CDIN1: variants seen among roughly 807,000 people sequenced by gnomAD.
CDIN1 encodes the protein CDAN1-interacting nuclease 1.
Under a neutral mutation model 45.3 loss-of-function variants are expected in CDIN1, and 33 were observed. The ratio of observed to expected loss-of-function variants is 0.73; its 90% CI spans 0.55 to 0.97. The LOEUF (loss-of-function observed/expected upper bound fraction) is 0.97, where lower values mean the gene tolerates loss of function less well. Ranked by LOEUF, CDIN1 falls within the 50% of genes least tolerant of loss-of-function variation. The pLI is 0.00. For missense variants in CDIN1, 303 were observed against 339.4 expected (o/e 0.89, Z 0.84); for synonymous variants, 118 against 124.4 (o/e 0.95, Z 0.34).
chr15:36,590,792 T>C (rs1375767282), intron 1 of CDIN1, among the ~76,000 whole-genome samples: 2 of 152,202 alleles, frequency 1.3e-5, no homozygotes, highest in African/African-American at 4.8e-5. Flanking sequence ...GGTTTATCAC[T>C]TAAGACTATT....
intron 1 of CDIN1, among the ~76,000 whole-genome samples, chr15:36,609,672 C>T (rs28613569): frequency 0.12 from 17,757 of 152,240 alleles, 1,058 homozygotes; most frequent in Middle Eastern, 0.14. Context: ...ATCACCTTTC[C>T]TGGGCCAGAA....
At chr15:36,800,879 ATGTGTGTGTGTG>A (rs1163549097) in intron 10 of CDIN1, among the ~76,000 whole-genome samples, 3 of 82,528 alleles carry the variant, frequency 3.6e-5, no homozygotes, top group African/African-American at 1.2e-4. Context: ...GTGTGTATAT[ATGTGTGTGTGTG>A]TGTGTGTGTG....
At chr15:36,608,260 A>G (rs2038473839) in intron 1 of CDIN1, among the ~76,000 whole-genome samples, 1 of 152,336 alleles carries the variant, frequency 6.6e-6, no homozygotes, top group African/African-American at 2.4e-5. Context: ...CTAGTTTTCA[A>G]AGTGGCTGCA....
Position 36,809,790 on chromosome 15 carries a change from CTTTG to C in CDIN1, c.*1341_*1344del, listed in dbSNP as rs1408794213. The stretch of plus-strand genomic sequence containing the variant: ...CAAAAGACTAAATATGTCATTTATA[CTTTG>C]TTTATTTTCTACCAAAGAAGGTTTG... On this transcript the variant is annotated 3_prime_UTR_variant, in exon 11 of 11. Transcript: ENST00000566621. 2.0e-5 allele frequency: 3 copies of C among 152,050 alleles called. No individual in the cohort carries two copies. Among genetic ancestry groups the C allele is most frequent in the African/African-American group, 2.4e-5 (1 of 41,402 alleles). 9.4% of individuals were successfully genotyped at this position (152,050 alleles called of 1,614,324 possible).
At chr15:36,720,319 G>A (rs1372853900) in intron 10 of CDIN1, among the ~76,000 whole-genome samples, 1 of 150,468 alleles carries the variant, frequency 6.6e-6, no homozygotes, top group African/African-American at 2.4e-5. Context: ...GGGTACATGT[G>A]CACAACGTGC....
At chr15:36,647,512 C>T (rs552959531) in intron 3 of CDIN1, 1 of 152,236 alleles carries the variant, frequency 6.6e-6, no homozygotes, top group South Asian at 2.1e-4. Flanking sequence ...GCAGTCTGAC[C>T]ACTTTCTGAC....
chr15:36,652,421 T>C (rs1383885824), intron 3 of CDIN1, among the ~76,000 whole-genome samples: 1 of 152,132 alleles, frequency 6.6e-6, no homozygotes, highest in Non-Finnish European at 1.5e-5. Context: ...CCATAGTAAA[T>C]ACGCACTCTT....
intron 10 of CDIN1, among the ~76,000 whole-genome samples, chr15:36,760,167 A>G (rs982351046): frequency 6.6e-6 from 1 of 152,196 alleles, no homozygotes; most frequent in Non-Finnish European, 1.5e-5. Context: ...TTTTTTAACC[A>G]GTCACCTGTA....
intron 1 of CDIN1, among the ~76,000 whole-genome samples, chr15:36,625,415 A>G (rs1387458879): frequency 6.6e-6 from 1 of 152,194 alleles, no homozygotes; most frequent in Non-Finnish European, 1.5e-5. Context: ...TTCACTTATG[A>G]TTGCATAGAG....
chr15:36,661,213 G>A (rs138673966), intron 5 of CDIN1, among the ~76,000 whole-genome samples: 277 of 152,258 alleles, frequency 1.8e-3, no homozygotes, highest in African/African-American at 6.3e-3. Flanking sequence ...ATAATTGTTG[G>A]GGAAATGCTT....
intron 5 of CDIN1, among the ~76,000 whole-genome samples, chr15:36,660,209 T>C: frequency 6.6e-6 from 1 of 152,154 alleles, no homozygotes; most frequent in South Asian, 2.1e-4. Flanking sequence ...TGTTCAGTGC[T>C]ATTGGCAGAG....
At chr15:36,800,779 T>C (rs1006041140) in intron 10 of CDIN1, among the ~76,000 whole-genome samples, 2 of 150,234 alleles carry the variant, frequency 1.3e-5, no homozygotes, top group South Asian at 4.2e-4. Flanking sequence ...TCTGCACACA[T>C]CCTCAGAAGA....
intron 5 of CDIN1, among the ~76,000 whole-genome samples, chr15:36,688,126 G>A (rs1199487510): frequency 6.6e-6 from 1 of 151,782 alleles, no homozygotes; most frequent in Non-Finnish European, 1.5e-5. Flanking sequence ...TGGGAACGAG[G>A]AAATAATGAT....
chr15:36,637,902 G>A (rs1342917491), intron 1 of CDIN1, among the ~76,000 whole-genome samples: 1 of 152,100 alleles, frequency 6.6e-6, no homozygotes, highest in African/African-American at 2.4e-5. Flanking sequence ...ACATATTTGG[G>A]TGGTAAAACT....
chr15:36,581,061 AG>A (rs1354432771), intron 1 of CDIN1, among the ~76,000 whole-genome samples: 2 of 152,246 alleles, frequency 1.3e-5, no homozygotes, highest in Non-Finnish European at 2.9e-5. Context: ...GATTTGATTT[AG>A]GGCAATATTT....
chr15:36,788,489 G>A (rs1408432123), intron 10 of CDIN1, among the ~76,000 whole-genome samples: 1 of 151,846 alleles, frequency 6.6e-6, no homozygotes, highest in Non-Finnish European at 1.5e-5. Context: ...AAAAATTAAT[G>A]TTACCTTCAG....
chr15:36,660,363 A>G (rs1397018865), intron 5 of CDIN1, among the ~76,000 whole-genome samples: 1 of 152,066 alleles, frequency 6.6e-6, no homozygotes, highest in African/African-American at 2.4e-5. Context: ...TTTTCCTCTT[A>G]AAACTAGAAA....
At chr15:36,730,765 A>G (rs892393944) in intron 10 of CDIN1, among the ~76,000 whole-genome samples, 1 of 152,096 alleles carries the variant, frequency 6.6e-6, no homozygotes, top group Non-Finnish European at 1.5e-5. Context: ...TTTAGCACTC[A>G]TTTTTTGAAC....
chr15:36,605,332 T>G (rs1218260743), intron 1 of CDIN1, among the ~76,000 whole-genome samples: 1 of 152,204 alleles, frequency 6.6e-6, no homozygotes, highest in Non-Finnish European at 1.5e-5. Context: ...TAATAAAGTT[T>G]ATATAAATCA....
Sources: allele counts gnomAD v4.1 joint callset (sites outside exome capture counted in the v4.1 genomes callset), GRCh38; gene constraint gnomAD v4.1.1; transcripts MANE v1.5; gene names NCBI Gene and HGNC (gene_info 2026-07-23, HGNC 2026-07-21).